BAG1: variants seen among roughly 807,000 people sequenced by gnomAD.
BAG1 encodes BAG family molecular chaperone regulator 1.
A neutral mutation model predicts 35.5 loss-of-function variants in BAG1; 35 were observed. That is an observed-to-expected ratio of 0.99 (90% CI 0.75 to 1.31). The LOEUF (loss-of-function observed/expected upper bound fraction) is 1.31. BAG1 is among the 50% of genes most tolerant of loss of function. The pLI is 0.00. For missense variants in BAG1, 464 were observed against 453.6 expected (o/e 1.02, Z -0.21); for synonymous variants, 191 against 178.9 (o/e 1.07, Z -0.54).
At chr9:33,256,014 A>C in intron 5 of BAG1, 87 bp from the exon 6 acceptor site, 3 of 1,233,258 alleles carry the variant, frequency 2.4e-6, no homozygotes, top group Non-Finnish European at 3.6e-6. Flanking sequence ...GAGAGCACAT[A>C]AGAAACACCC....
chr9:33,255,934 A>G lies in BAG1; in HGVS notation c.886-7T>C. 1 of 1,609,424 alleles carries G rather than the reference A, an allele frequency of 6.2e-7. No homozygotes were observed. Among genetic ancestry groups the G allele is most frequent in the Non-Finnish European group, 8.5e-7 (1 of 1,175,696 alleles). On this transcript the variant is annotated splice_polypyrimidine_tract_variant and splice_region_variant and intron_variant, in intron 5 of 6. Transcript: ENST00000634734. ...TGAAATTTTCTGGCAGGATCTATGG[A>G]AGAGTAAGTTGATAATACAAGTTAG...
At chr9:33,259,152 G>C in intron 3 of BAG1, 119 bp from the exon 4 acceptor site, 1 of 712,384 alleles carries the variant, frequency 1.4e-6, no homozygotes, top group Non-Finnish European at 2.3e-6. Context: ...TTTGAGGTCA[G>C]GAGTTCAAGA....
rs962878548 is a variant in BAG1 at position 33,264,133 on chromosome 9, T to A, written c.451+91A>T. On this transcript the variant is annotated intron_variant, in intron 1 of 6. Transcript: ENST00000634734. The stretch of plus-strand genomic sequence containing the variant: ...TCCGGACGCCAGGACAAGCGCAAGG[T>A]CACACGCTTCTGGAGGACACGTGAC... 14 of 1,432,086 alleles carry A rather than the reference T, an allele frequency of 9.8e-6. No individual in the cohort carries two copies. The Admixed American group carries it at 2.5e-4, about 25-fold the overall frequency. The allele number at this position is 1,432,086 out of a possible 1,614,324, so 88.7% of individuals were successfully genotyped here.
rs1820660760 is a variant in BAG1, at chr9:33,264,410, T to TCCGGGTCAACTCCTCGCC, written c.264_265insGGCGAGGAGTTGACCCGG (p.Arg88_Ser89insGlyGluGluLeuThrArg). The TCCGGGTCAACTCCTCGCC allele has an allele frequency of 6.2e-7, 1 of 1,604,104 alleles. No individual in the cohort carries two copies. The highest frequency in any genetic ancestry group is 1.3e-5 in the African/African-American group (1 of 74,544). On this transcript the variant is annotated inframe_insertion, in exon 1 of 7. Coordinates refer to ENST00000634734, the MANE Select transcript of BAG1 (RefSeq NM_004323.6). The stretch of plus-strand genomic sequence containing the variant: ...TCCTCACTCAGGGTCAACTCCTCGC[T>TCCGGGTCAACTCCTCGCC]CCGGGTCAACTCCTCGCTCCGGGTC...
At chr9:33,263,943 G>A (rs1043632793) in intron 1 of BAG1, among the ~76,000 whole-genome samples, 1 of 152,104 alleles carries the variant, frequency 6.6e-6, no homozygotes, top group Non-Finnish European at 1.5e-5. Flanking sequence ...ATAACTGCGC[G>A]GGCACACAAA....
intron 3 of BAG1, chr9:33,259,496 G>C (rs1419139982): frequency 6.4e-6 from 1 of 155,224 alleles, no homozygotes; most frequent in Non-Finnish European, 1.4e-5. Context: ...TGGAAATCAA[G>C]TCAAAGGGTT....
intron 3 of BAG1, 130 bp downstream of exon 3, chr9:33,260,957 T>C (rs1174999324): frequency 3.2e-6 from 2 of 624,954 alleles, no homozygotes; most frequent in Non-Finnish European, 5.3e-6. Context: ...CCAATAAAGA[T>C]TGTATTTGTT....
At position 33,264,272 on chromosome 9, in the gene BAG1, T is replaced by C. The variant is rs753976803; in HGVS notation, c.403A>G (p.Thr135Ala). Reference sequence around the variant, plus strand: ...CCAGCTGCCGCCATTTCCTCCCTGGTCACCTCCTCGCTCCGGGTCGACTCC... The same window carrying C: ...CCAGCTGCCGCCATTTCCTCCCTGGCCACCTCCTCGCTCCGGGTCGACTCC... Residue 135 changes from threonine (T) to alanine (A), a missense_variant, in exon 1 of 7, where the codon ACC (threonine) becomes GCC (alanine). Coordinates refer to ENST00000634734, the MANE Select transcript of BAG1 (RefSeq NM_004323.6). The C allele has an allele frequency of 5.0e-6, 8 of 1,613,662 alleles. No individual in the cohort carries two copies. The Admixed American group carries it at 1.3e-4, about 27-fold the overall frequency.
Position 33,255,005 on chromosome 9 carries a change from T to C in BAG1, c.*214A>G. 5 of 1,508,748 alleles carry C rather than the reference T, an allele frequency of 3.3e-6. No individual in the cohort carries two copies. The highest frequency in any genetic ancestry group is 4.5e-6 in the Non-Finnish European group (5 of 1,120,536). 93.5% of individuals were successfully genotyped at this position (1,508,748 alleles called of 1,614,324 possible). The stretch of plus-strand genomic sequence containing the variant: ...CCAGAAAAGGTGGATTGCTGGACAG[T>C]ACAACCACAGAGACAGAAGGAGAAA... On this transcript the variant is annotated 3_prime_UTR_variant, in exon 7 of 7. Transcript: ENST00000634734.
At chr9:33,264,170 A>AC in intron 1 of BAG1, 54 bp downstream of exon 1, 7 of 1,526,978 alleles carry the variant, frequency 4.6e-6, no homozygotes, top group East Asian at 2.4e-5. Flanking sequence ...AAACCCACAG[A>AC]CCCCGCCGGG....
At chr9:33,255,633 G>A (rs1310145358) in intron 6 of BAG1, among the ~76,000 whole-genome samples, 1 of 152,204 alleles carries the variant, frequency 6.6e-6, no homozygotes, top group Admixed American at 6.5e-5. Flanking sequence ...TGTGTAATGT[G>A]TCAGCCCTAC....
intron 3 of BAG1, chr9:33,260,034 T>C (rs930789063): frequency 6.6e-6 from 1 of 152,202 alleles, no homozygotes; most frequent in Admixed American, 6.5e-5. Flanking sequence ...CTCACTACGG[T>C]TCCCAGGTTG....
chr9:33,261,025 A>C, intron 3 of BAG1, 62 bp downstream of exon 3: 1 of 1,414,400 alleles, frequency 7.1e-7, no homozygotes, highest in Non-Finnish European at 9.7e-7. Context: ...TCTAAACAGA[A>C]ACATGTATAA....
chr9:33,264,069 C>CA, intron 1 of BAG1, 155 bp downstream of exon 1: 2 of 911,594 alleles, frequency 2.2e-6, no homozygotes, highest in Middle Eastern at 3.4e-4. Flanking sequence ...AAGCCCGGGA[C>CA]AAAAGACAGT....
rs1820418317 is a variant in BAG1 at position 33,254,889 on chromosome 9, CTG to C, written c.*328_*329del. 9.9e-6 allele frequency: 7 copies of C among 707,104 alleles called. No individual in the cohort carries two copies. The South Asian group carries it at 1.1e-4, about 11-fold the overall frequency. The allele number at this position is 707,104 out of a possible 1,614,324, so 43.8% of individuals were successfully genotyped here. ...ACTGAGGGGGCCTATAAACCTGAAA[CTG>C]GCCCAAGGCAAATTAGAGCTCTCAC... On this transcript the variant is annotated 3_prime_UTR_variant, in exon 7 of 7. Transcript: ENST00000634734.
In BAG1 at chr9:33,254,937, G is replaced by A; in HGVS notation, c.*282C>T. Reference sequence around the variant, plus strand: ...CTCACCAGCCCAAAGAAAGCACCCAGAGGTCCAAACAGCTGGGAAAATTTG... The same window carrying A: ...CTCACCAGCCCAAAGAAAGCACCCAAAGGTCCAAACAGCTGGGAAAATTTG... On this transcript the variant is annotated 3_prime_UTR_variant, in exon 7 of 7. Transcript: ENST00000634734. 2.4e-6 allele frequency: 3 copies of A among 1,234,970 alleles called. No homozygotes were observed. Among genetic ancestry groups the A allele is most frequent in the Non-Finnish European group, 3.2e-6 (3 of 928,502 alleles). 76.5% of individuals were successfully genotyped at this position (1,234,970 alleles called of 1,614,324 possible).
At position 33,255,023 on chromosome 9, in the gene BAG1, A is replaced by T. The variant is rs1314539366; in HGVS notation, c.*196T>A. 6.5e-7 allele frequency: 1 copy of T among 1,528,486 alleles called. No homozygotes were observed. The highest frequency in any genetic ancestry group is 2.0e-5 in the Admixed American group (1 of 50,228). 94.7% of individuals were successfully genotyped at this position (1,528,486 alleles called of 1,614,324 possible). The stretch of plus-strand genomic sequence containing the variant: ...TGGACAGTACAACCACAGAGACAGA[A>T]GGAGAAAACAGATAGGAGCTTTACT... On this transcript the variant is annotated 3_prime_UTR_variant, in exon 7 of 7. Coordinates refer to ENST00000634734, the MANE Select transcript of BAG1 (RefSeq NM_004323.6).
chr9:33,255,154 G>A lies in BAG1; in HGVS notation c.*65C>T, dbSNP rs1390126143. On this transcript the variant is annotated 3_prime_UTR_variant, in exon 7 of 7. Coordinates refer to ENST00000634734, the MANE Select transcript of BAG1 (RefSeq NM_004323.6). The stretch of plus-strand genomic sequence containing the variant: ...GCCCTGAAGAAATCAGGTAAATTCC[G>A]CTCCAGAGACGGCAGAGCTGGTGGC... The A allele has an allele frequency of 1.6e-5, 26 of 1,613,862 alleles. No homozygotes were observed. Among genetic ancestry groups the A allele is most frequent in the African/African-American group, 6.7e-5 (5 of 74,932 alleles).
At chr9:33,255,824 T>A (rs1280857456) in intron 6 of BAG1, 41 bp downstream of exon 6, 1 of 1,578,048 alleles carries the variant, frequency 6.3e-7, no homozygotes. Flanking sequence ...TACCTACACA[T>A]TAACATATTA....
Sources: gnomAD v4.1 joint callset for allele counts (sites outside exome capture counted in the v4.1 genomes callset) on GRCh38, gnomAD v4.1.1 for gene constraint, MANE v1.5 for transcripts, NCBI Gene and HGNC (gene_info 2026-07-23, HGNC 2026-07-21) for gene names.